Variants in NEGR1 observed in about 807,000 individuals in gnomAD.
NEGR1 encodes IgLON family member 4.
NEGR1 carries 10 observed loss-of-function variants against 40.9 expected under a neutral mutation model. The ratio of observed to expected loss-of-function variants is 0.24; its 90% confidence interval spans 0.15 to 0.42. The LOEUF (loss-of-function observed/expected upper bound fraction) is 0.42, where lower values mean the gene tolerates loss of function less well. NEGR1 is among the 10% of genes least tolerant of loss of function. NEGR1 has a pLI of 1.00. For synonymous variants in NEGR1, 185 were observed against 166.8 expected, an observed-to-expected ratio of 1.11 and a Z score of -0.84; for missense variants, 352 against 438.9, an observed-to-expected ratio of 0.80 and a Z score of 1.77.
rs35429988 is a variant in NEGR1 at position 71,927,818 on chromosome 1, T to TAAAAAAAA, written c.409+7253_409+7260dup. ...GGGCAACATGGCAAGACCCAATCTCTAAAAAAAAAAAAAAAAAAAAAAAAA... is the reference window on the plus strand; with the variant it reads ...GGGCAACATGGCAAGACCCAATCTCTAAAAAAAAAAAAAAAAAAAAAAAAAAAAAAAAA... On this transcript the variant is annotated intron_variant, in intron 2 of 6. Transcript: ENST00000357731. 7.1e-4 allele frequency among the ~76,000 whole-genome samples: 16 copies of TAAAAAAAA among 22,448 alleles called. 2 individuals are homozygous for TAAAAAAAA. The highest frequency in any genetic ancestry group is 2.7e-3 in the African/African-American group (14 of 5,096). 14.7% of individuals were successfully genotyped at this position (22,448 alleles called of 152,430 possible).
At chr1:71,557,744 T>G (rs1280936989) in intron 6 of NEGR1, among the ~76,000 whole-genome samples, 1 of 151,638 alleles carries the variant, frequency 6.6e-6, no homozygotes, top group Non-Finnish European at 1.5e-5. Flanking sequence ...CAATTTTCAA[T>G]ACTAAGAAAT....
At chr1:72,241,313 C>A (rs917194595) in intron 1 of NEGR1, among the ~76,000 whole-genome samples, 1 of 151,590 alleles carries the variant, frequency 6.6e-6, no homozygotes, top group Non-Finnish European at 1.5e-5. Context: ...ATTTAAATAG[C>A]AAATATTCAG....
At chr1:72,191,125 C>A (rs956038044) in intron 1 of NEGR1, among the ~76,000 whole-genome samples, 2 of 151,554 alleles carry the variant, frequency 1.3e-5, no homozygotes, top group Non-Finnish European at 3.0e-5. Flanking sequence ...GATGTGATCC[C>A]TAAAACTCCC....
At chr1:72,053,845 A>G (rs1647085421) in intron 1 of NEGR1, among the ~76,000 whole-genome samples, 1 of 145,780 alleles carries the variant, frequency 6.9e-6, no homozygotes, top group Admixed American at 6.9e-5. Flanking sequence ...AAGTATCTCA[A>G]AAACGAACAC....
chr1:72,244,750 T>A (rs1654852702), intron 1 of NEGR1, among the ~76,000 whole-genome samples: 1 of 151,998 alleles, frequency 6.6e-6, no homozygotes, highest in Non-Finnish European at 1.5e-5. Flanking sequence ...ATAACATTAT[T>A]CTATATGTCT....
intron 6 of NEGR1, among the ~76,000 whole-genome samples, chr1:71,501,433 A>T (rs1646998849): frequency 6.6e-6 from 1 of 152,140 alleles, no homozygotes; most frequent in African/African-American, 2.4e-5. Context: ...TTGATGATAG[A>T]CCCAAATATC....
chr1:71,741,672 G>C (rs1245299956), intron 3 of NEGR1, among the ~76,000 whole-genome samples: 1 of 152,154 alleles, frequency 6.6e-6, no homozygotes, highest in East Asian at 1.9e-4. Flanking sequence ...TTGCTATAAA[G>C]AAGTACCTCA....
chr1:72,011,055 C>T (rs1270106726), intron 1 of NEGR1, among the ~76,000 whole-genome samples: 3 of 152,080 alleles, frequency 2.0e-5, no homozygotes, highest in Admixed American at 6.6e-5. Flanking sequence ...AAATTTAGTA[C>T]ATATTAAAAA....
intron 6 of NEGR1, among the ~76,000 whole-genome samples, chr1:71,526,191 A>T (rs1464252435): frequency 1.3e-5 from 2 of 151,592 alleles, no homozygotes; most frequent in Non-Finnish European, 3.0e-5. Flanking sequence ...CATTATATTC[A>T]GGCATATTAA....
At chr1:72,011,170 G>T (rs566472719) in intron 1 of NEGR1, among the ~76,000 whole-genome samples, 2 of 152,032 alleles carry the variant, frequency 1.3e-5, no homozygotes, top group Admixed American at 6.6e-5. Context: ...CACTGTGGGG[G>T]CTGATGAACA....
At chr1:71,503,497 G>A (rs1326628286) in intron 6 of NEGR1, among the ~76,000 whole-genome samples, 1 of 152,098 alleles carries the variant, frequency 6.6e-6, no homozygotes, top group Non-Finnish European at 1.5e-5. Flanking sequence ...AGACCATGGG[G>A]GAGCTGAACC....
chr1:71,887,919 T>A (rs1411255278), intron 2 of NEGR1, among the ~76,000 whole-genome samples: 1 of 151,942 alleles, frequency 6.6e-6, no homozygotes, highest in Non-Finnish European at 1.5e-5. Flanking sequence ...CCTGCTTGCA[T>A]GTCTTTTATT....
At chr1:71,961,246 A>G (rs1016198197) in intron 1 of NEGR1, among the ~76,000 whole-genome samples, 1 of 152,170 alleles carries the variant, frequency 6.6e-6, no homozygotes, top group Non-Finnish European at 1.5e-5. Context: ...TGTGATTCTA[A>G]GTAAGCAATT....
intron 1 of NEGR1, among the ~76,000 whole-genome samples, chr1:71,973,655 T>C (rs1400991340): frequency 2.0e-5 from 3 of 152,212 alleles, no homozygotes. Flanking sequence ...TCTTTTTTTC[T>C]CTTAGCAAAA....
In NEGR1 at chr1:72,244,927, T is replaced by C. The variant is rs529362097; in HGVS notation, c.176+37392A>G. 4.0e-4 allele frequency among the ~76,000 whole-genome samples: 61 copies of C among 152,102 alleles called. 1 individual carries two copies. Among genetic ancestry groups the C allele is most frequent in the Non-Finnish European group, 6.8e-4 (46 of 67,932 alleles). On this transcript the variant is annotated intron_variant, in intron 1 of 6. Coordinates refer to ENST00000357731, the MANE Select transcript of NEGR1 (RefSeq NM_173808.3). ...TGAGGAACACCACATAGTGCTTCTGTATAATGTTTGGGGCCATTGTAAATA... is the reference window on the plus strand; with the variant it reads ...TGAGGAACACCACATAGTGCTTCTGCATAATGTTTGGGGCCATTGTAAATA...
intron 2 of NEGR1, among the ~76,000 whole-genome samples, chr1:71,884,967 T>C (rs1660686110): frequency 6.6e-6 from 1 of 152,240 alleles, no homozygotes. Flanking sequence ...TGCCAGGTGC[T>C]TTCTTAATCT....
chr1:71,835,905 TG>T (rs1270178394), intron 2 of NEGR1, among the ~76,000 whole-genome samples: 1 of 152,136 alleles, frequency 6.6e-6, no homozygotes, highest in African/African-American at 2.4e-5. Context: ...TATGTATATA[TG>T]CCTAGTCTAT....
At chr1:72,176,262 A>T (rs1376500617) in intron 1 of NEGR1, among the ~76,000 whole-genome samples, 2 of 152,050 alleles carry the variant, frequency 1.3e-5, no homozygotes, top group African/African-American at 4.8e-5. Flanking sequence ...TTTCTCTGTG[A>T]CTATATAACT....
chr1:71,688,104 T>G (rs1409124481), intron 4 of NEGR1, among the ~76,000 whole-genome samples: 1 of 151,494 alleles, frequency 6.6e-6, no homozygotes, highest in Non-Finnish European at 1.5e-5. Flanking sequence ...AGCTATCTCA[T>G]GTCTTAACTC....
Sources: gnomAD v4.1 joint callset for allele counts (sites outside exome capture counted in the v4.1 genomes callset) on GRCh38, gnomAD v4.1.1 for gene constraint, MANE v1.5 for transcripts, NCBI Gene and HGNC (gene_info 2026-07-23, HGNC 2026-07-21) for gene names.